CACNA2D4: variants seen among roughly 807,000 people sequenced by gnomAD.
CACNA2D4 encodes calcium voltage-gated channel auxiliary subunit alpha2delta 4.
CACNA2D4 carries 157 observed loss-of-function variants against 163.8 expected under a neutral mutation model. The ratio of observed to expected loss-of-function variants is 0.96; its 90% confidence interval spans 0.84 to 1.09. The LOEUF (loss-of-function observed/expected upper bound fraction) is 1.09, where lower values mean the gene tolerates loss of function less well. Ranked by LOEUF, CACNA2D4 falls within the 50% of genes least tolerant of loss-of-function variation. The pLI, the probability that CACNA2D4 is intolerant of heterozygous loss-of-function variation, is 0.00. For synonymous variants in CACNA2D4, 598 were observed against 586.9 expected (o/e 1.02, Z -0.27); for missense variants, 1,410 against 1,479.9 (o/e 0.95, Z 0.78).
chr12:1,884,588 C>T (rs762553067), intron 11 of CACNA2D4, among the ~76,000 whole-genome samples, 180 bp downstream of exon 11: 4 of 152,118 alleles, frequency 2.6e-5, no homozygotes, highest in Admixed American at 6.6e-5. Flanking sequence ...TACATCAGGC[C>T]TCTGTGTCTC....
At chr12:1,794,338 C>T (rs1439394834) in intron 37 of CACNA2D4, among the ~76,000 whole-genome samples, 1 of 152,172 alleles carries the variant, frequency 6.6e-6, no homozygotes, top group Non-Finnish European at 1.5e-5. Flanking sequence ...TGCTTTCACA[C>T]CAGCACTTCA....
At chr12:1,910,373 G>C (rs972781431) in intron 3 of CACNA2D4, among the ~76,000 whole-genome samples, 1 of 152,210 alleles carries the variant, frequency 6.6e-6, no homozygotes, top group Non-Finnish European at 1.5e-5. Context: ...CAGAATGTAC[G>C]AGAATGAACC....
In CACNA2D4 at chr12:1,883,038, G is replaced by A. The variant is rs187146323; in HGVS notation, c.1352-38C>T. ...AGGCCGCGTGGGTGTGGAAGGCAGG[G>A]CTTCCCTGGGAACCCCTCGCCAGGG... On this transcript the variant is annotated intron_variant, in intron 12 of 37. Transcript: ENST00000382722. This position sits in a 1 kb window ranked among gnomAD's most constrained non-coding sequence, Gnocchi z 4.5. The A allele has an allele frequency of 1.1e-5, 18 of 1,595,220 alleles. No homozygotes were observed. In the East Asian group the frequency reaches 4.1e-4, roughly 36 times the overall value.
intron 12 of CACNA2D4, 152 bp downstream of exon 12, chr12:1,884,091 A>T: frequency 1.7e-6 from 1 of 594,724 alleles, no homozygotes. Context: ...TTTTCCAAAT[A>T]TGAAGGAGGG....
Position 1,907,748 on chromosome 12 carries a change from T to C in CACNA2D4, c.649+127A>G, listed in dbSNP as rs564186160. 139 of 1,260,904 alleles carry C rather than the reference T, an allele frequency of 1.1e-4. 1 individual carries two copies. The highest frequency in any genetic ancestry group is 3.5e-4 in the African/African-American group (22 of 63,674). The allele number at this position is 1,260,904 out of a possible 1,614,324, so 78.1% of individuals were successfully genotyped here. ...CTGGTGGGCGTGCCTGGTGGGCGTG[T>C]CTGGTGGGTGTGTCTGGTGGGCCAG... On this transcript the variant is annotated intron_variant, in intron 5 of 37. Transcript: ENST00000382722.
At chr12:1,866,787 A>ATTTTTTTTTT (rs34111398) in intron 18 of CACNA2D4, among the ~76,000 whole-genome samples, 1 of 136,530 alleles carries the variant, frequency 7.3e-6, no homozygotes, top group Non-Finnish European at 1.5e-5. Flanking sequence ...CACCTGGCTA[A>ATTTTTTTTTT]TTTTTTTTTT....
At chr12:1,853,261 T>C (rs1387754176) in intron 23 of CACNA2D4, among the ~76,000 whole-genome samples, 9 of 152,238 alleles carry the variant, frequency 5.9e-5, no homozygotes, top group Non-Finnish European at 1.0e-4. Flanking sequence ...TACTATACTA[T>C]GTAGAATGGT....
At chr12:1,831,874 T>C (rs529017139) in intron 26 of CACNA2D4, among the ~76,000 whole-genome samples, 137 of 152,244 alleles carry the variant, frequency 9.0e-4, no homozygotes, top group South Asian at 6.4e-3. Context: ...CTGGGCTTTG[T>C]ATCCCGCCAA....
rs187719227 is a variant in CACNA2D4, at chr12:1,907,518, C to T, written c.703G>A (p.Val235Met). 1.9e-6 allele frequency: 3 copies of T among 1,613,474 alleles called. No individual in the cohort carries two copies. The highest frequency in any genetic ancestry group is 2.2e-5 in the East Asian group (1 of 44,892). ...YMSEALNAVF[V>M]ENFQRDPTLT... ...GTTGGGTCTCTCTGGAAGTTCTCCA[C>T]GAAGACAGCATTCAAGGCTTCAGAC... Residue 235 changes from valine to methionine, a missense_variant, in exon 6 of 38, where the codon GTG becomes ATG. Val to Met is a conservative substitution (Grantham distance 21). Transcript: ENST00000382722.
Position 1,806,586 on chromosome 12 carries a change from C to A in CACNA2D4, c.2721+3692G>T, listed in dbSNP as rs534387954. ...AAGCCCTAGCAGGGACAAGGAGTCG[C>A]TGGAAGCCTTTGACATATTTGCCTA... On this transcript the variant is annotated intron_variant, in intron 29 of 37. Coordinates refer to ENST00000382722, the MANE Select transcript of CACNA2D4 (RefSeq NM_172364.5). The surrounding 1 kb of genome is among the most constrained non-coding windows in gnomAD (Gnocchi z 4.1). Among the ~76,000 whole-genome samples, 147 of 152,322 alleles carry A rather than the reference C, an allele frequency of 9.7e-4. No homozygotes were observed. The highest frequency in any genetic ancestry group is 3.4e-3 in the African/African-American group (142 of 41,570).
At chr12:1,840,610 C>A (rs191637534) in intron 26 of CACNA2D4, 129 bp downstream of exon 26, 2 of 698,626 alleles carry the variant, frequency 2.9e-6, no homozygotes, top group Non-Finnish European at 5.0e-6. Flanking sequence ...TGCACTTCCA[C>A]CCATCCCACA....
chr12:1,874,644 C>T lies in CACNA2D4; in HGVS notation c.1838G>A (p.Gly613Asp), dbSNP rs750406954. Residue 613 changes from glycine to aspartate, a missense_variant, in exon 18 of 38, where the codon GGT becomes GAT. By Grantham distance (94) the Gly-to-Asp change is moderately conservative (BLOSUM62 -1). Transcript: ENST00000382722. The surrounding 1 kb of genome is among the most constrained non-coding windows in gnomAD (Gnocchi z 4.4). ...LRTAMINRET[G>D]TLSMDVKVPM... ...AACCTTCACATCCATCGAGAGAGTACCTGTTTCCCTATTGATCATGGCTGT... is the reference window on the plus strand; with the variant it reads ...AACCTTCACATCCATCGAGAGAGTATCTGTTTCCCTATTGATCATGGCTGT... 8 of 1,613,406 alleles carry T rather than the reference C, an allele frequency of 5.0e-6. No individual in the cohort carries two copies. The highest frequency in any genetic ancestry group is 2.2e-5 in the South Asian group (2 of 91,060).
At chr12:1,824,533 C>T (rs1334230626) in intron 26 of CACNA2D4, among the ~76,000 whole-genome samples, 1 of 152,210 alleles carries the variant, frequency 6.6e-6, no homozygotes, top group Non-Finnish European at 1.5e-5. Context: ...TTTGGCCTCC[C>T]TGTCTCTAGG....
At chr12:1,851,680 T>TGTG (rs55736421) in intron 23 of CACNA2D4, among the ~76,000 whole-genome samples, 1 of 26,760 alleles carries the variant, frequency 3.7e-5, no homozygotes, top group African/African-American at 1.4e-4. Context: ...TGTGTGTGCG[T>TGTG]TTTTTTTTTT....
chr12:1,915,362 C>T (rs747275289), intron 1 of CACNA2D4: 4 of 648,750 alleles, frequency 6.2e-6, no homozygotes, highest in Non-Finnish European at 1.1e-5. Flanking sequence ...TGACCCCAAG[C>T]TTCCAGGGCC....
chr12:1,859,747 G>A (rs751590934), intron 19 of CACNA2D4, among the ~76,000 whole-genome samples: 67 of 152,236 alleles, frequency 4.4e-4, no homozygotes, highest in Admixed American at 1.5e-3. Flanking sequence ...AGTAAAGCAG[G>A]GAGTGCTGGA....
intron 23 of CACNA2D4, among the ~76,000 whole-genome samples, chr12:1,851,317 A>G (rs1037384308): frequency 6.6e-6 from 1 of 152,220 alleles, no homozygotes; most frequent in Non-Finnish European, 1.5e-5. Flanking sequence ...TAGTATTTAT[A>G]TGGCTTCATT....
At chr12:1,824,075 CA>C (rs1303995651) in intron 26 of CACNA2D4, among the ~76,000 whole-genome samples, 19 of 152,274 alleles carry the variant, frequency 1.2e-4, no homozygotes, top group African/African-American at 3.9e-4. Context: ...AGAGTTGTTA[CA>C]AGGATTCAGA....
chr12:1,915,973 C>A (rs1866967403), intron 1 of CACNA2D4, among the ~76,000 whole-genome samples: 1 of 152,200 alleles, frequency 6.6e-6, no homozygotes, highest in Non-Finnish European at 1.5e-5. Flanking sequence ...TGAAGGTGCC[C>A]ATGAAGGTTG....
Sources: gnomAD v4.1 joint callset for allele counts (sites outside exome capture counted in the v4.1 genomes callset) on GRCh38, gnomAD v4.1.1 for gene constraint, Gnocchi (gnomAD v3.1) non-coding constraint, MANE v1.5 for transcripts, NCBI Gene and HGNC (gene_info 2026-07-23, HGNC 2026-07-21) for gene names.